Variants in ETNPPL observed in about 807,000 individuals in gnomAD.
ETNPPL encodes alanine--glyoxylate aminotransferase 2-like 1.
A neutral mutation model predicts 55.5 loss-of-function variants in ETNPPL; 30 were observed. The ratio of observed to expected loss-of-function variants is 0.54; its 90% confidence interval spans 0.40 to 0.73. ETNPPL has a LOEUF of 0.73. Ranked by LOEUF, ETNPPL falls within the 30% of genes least tolerant of loss-of-function variation. ETNPPL has a pLI of 0.00. For synonymous variants in ETNPPL, 202 were observed against 207.2 expected (o/e 0.98, Z 0.21); for missense variants, 528 against 607.9 (o/e 0.87, Z 1.38).
intron 6 of ETNPPL, among the ~76,000 whole-genome samples, chr4:108,751,685 TA>T (rs1278311699): frequency 2.0e-4 from 30 of 152,356 alleles, no homozygotes; most frequent in Admixed American, 3.9e-4. Context: ...TACCCCTTAG[TA>T]ATTGTATGAC....
At chr4:108,753,072 A>T (rs548097532) in intron 5 of ETNPPL, 61 bp from the exon 6 acceptor site, 21 of 865,456 alleles carry the variant, frequency 2.4e-5, no homozygotes, top group Middle Eastern at 2.2e-4. Context: ...CTTAAAAAAA[A>T]GGCATTTCCC....
At chr4:108,749,540 G>GAA in intron 7 of ETNPPL, 77 bp from the exon 8 acceptor site, 1 of 1,112,206 alleles carries the variant, frequency 9.0e-7, no homozygotes, top group Admixed American at 2.4e-5. Context: ...GCAAATTATT[G>GAA]AAGACAAAAA....
chr4:108,747,931 T>C, intron 9 of ETNPPL, 74 bp downstream of exon 9: 1 of 1,307,384 alleles, frequency 7.6e-7, no homozygotes, highest in Non-Finnish European at 1.1e-6. Flanking sequence ...GGTCTCACCA[T>C]GTTGCCCAGC....
intron 7 of ETNPPL, 131 bp from the exon 8 acceptor site, chr4:108,749,594 T>C (rs1416305499): frequency 1.6e-6 from 1 of 638,916 alleles, no homozygotes; most frequent in Non-Finnish European, 2.7e-6. Flanking sequence ...TTAAAAAACA[T>C]TTCAGTACTC....
At position 108,747,563 on chromosome 4, in the gene ETNPPL, G is replaced by C. The variant is rs1308121259; in HGVS notation, c.1082+442C>G. 3.3e-5 allele frequency among the ~76,000 whole-genome samples: 5 copies of C among 151,170 alleles called. No homozygotes were observed. The South Asian group carries it at 1.0e-3, about 32-fold the overall frequency. On this transcript the variant is annotated intron_variant, in intron 9 of 12. Coordinates refer to ENST00000296486, the MANE Select transcript of ETNPPL (RefSeq NM_031279.4). The stretch of plus-strand genomic sequence containing the variant: ...AATATTCCTGCCTCTGCCTCCCAAG[G>C]TGCTGGGATTACAGATGTGAACCAC...
rs763059724 is a variant in ETNPPL, at chr4:108,748,162, G to GT, written c.928-4dup. ...CAAGATACTGGATTTCCTCCATACT[G>GT]TAAAAAAAAAAAAGACAAATGAGAA... is the stretch of plus-strand genomic sequence containing the variant. On this transcript the variant is annotated splice_region_variant and splice_polypyrimidine_tract_variant and intron_variant, in intron 8 of 12. Transcript: ENST00000296486. The GT allele has an allele frequency of 1.3e-6, 2 of 1,513,236 alleles. No individual in the cohort carries two copies. Among genetic ancestry groups the GT allele is most frequent in the Admixed American group, 4.8e-5 (2 of 41,724 alleles). The allele number at this position is 1,513,236 out of a possible 1,614,324, so 93.7% of individuals were successfully genotyped here.
intron 10 of ETNPPL, 50 bp downstream of exon 10, chr4:108,746,712 A>G (rs1424116903): frequency 6.5e-7 from 1 of 1,548,716 alleles, no homozygotes; most frequent in Non-Finnish European, 8.9e-7. Context: ...TCAAGTGGGT[A>G]GGCATCCTGC....
Position 108,763,020 on chromosome 4 carries a change from T to C in ETNPPL, c.-122A>G. The C allele has an allele frequency of 2.3e-6, 2 of 882,076 alleles. No homozygotes were observed. Among genetic ancestry groups the C allele is most frequent in the East Asian group, 2.6e-5 (1 of 38,930 alleles). The allele number at this position is 882,076 out of a possible 1,614,324, so 54.6% of individuals were successfully genotyped here. On this transcript the variant is annotated 5_prime_UTR_variant, in exon 1 of 13. Coordinates refer to ENST00000296486, the MANE Select transcript of ETNPPL (RefSeq NM_031279.4). ...CCTCCCGTTATCCCTCCTGGCGTTC[T>C]CTTGCCCGGGGCGTCGGAGGTCACC...
In ETNPPL at chr4:108,749,221, T is replaced by TTCCTTCTTA. The variant is rs753363093; in HGVS notation, c.927+16_927+17insTAAGAAGGA. The TTCCTTCTTA allele has an allele frequency of 6.8e-4, 1,075 of 1,578,154 alleles. 6 individuals carry two copies. The African/African-American group carries it at 0.011, about 16-fold the overall frequency. ...TATTTTTCCTTCTTAGCATTAAAGT[T>TTCCTTCTTA]GGAGACCAAAATGTACCGTATTAAA... On this transcript the variant is annotated intron_variant, in intron 8 of 12. Transcript: ENST00000296486.
chr4:108,753,013 T>G lies in ETNPPL; in HGVS notation c.502-2A>C. Reference sequence around the variant, plus strand: ...TCTGTAAGTATCTGGAGTTGGTGCCTGAAAACATCAAATAATGCAGTTGCT... The same window carrying G: ...TCTGTAAGTATCTGGAGTTGGTGCCGGAAAACATCAAATAATGCAGTTGCT... On this transcript the variant is annotated splice_acceptor_variant, in intron 5 of 12. Coordinates refer to ENST00000296486, the MANE Select transcript of ETNPPL (RefSeq NM_031279.4). LOFTEE classifies it high-confidence loss of function. 6.5e-7 allele frequency: 1 copy of G among 1,548,508 alleles called. No homozygotes were observed. Among genetic ancestry groups the G allele is most frequent in the Non-Finnish European group, 8.9e-7 (1 of 1,128,196 alleles).
intron 11 of ETNPPL, among the ~76,000 whole-genome samples, chr4:108,746,093 T>C (rs78789065): frequency 0.092 from 13,982 of 152,258 alleles, 1,126 homozygotes; most frequent in East Asian, 0.48. Context: ...CATGGCACAA[T>C]GCAGACATGC....
chr4:108,753,806 A>AAGAAAG (rs1560656714), intron 5 of ETNPPL, among the ~76,000 whole-genome samples: 1 of 119,424 alleles, frequency 8.4e-6, no homozygotes, highest in Non-Finnish European at 1.8e-5. Flanking sequence ...GAAAGAAAGA[A>AAGAAAG]AAGAGAAGAA....
chr4:108,758,282 G>A (rs74285757), intron 3 of ETNPPL, among the ~76,000 whole-genome samples: 11,463 of 151,796 alleles, frequency 0.076, 933 homozygotes, highest in East Asian at 0.48. Flanking sequence ...GAGCCACCAC[G>A]CCGAACCATA....
chr4:108,759,620 T>C (rs1191602616), intron 3 of ETNPPL, 129 bp downstream of exon 3: 1 of 868,580 alleles, frequency 1.2e-6, no homozygotes, highest in African/African-American at 1.7e-5. Flanking sequence ...TGTGATCACT[T>C]AGTGAATGGC....
chr4:108,762,666 T>G, intron 1 of ETNPPL, 177 bp downstream of exon 1: 1 of 767,744 alleles, frequency 1.3e-6, no homozygotes, highest in Non-Finnish European at 2.3e-6. Context: ...CCAGGAGCGT[T>G]TCTGGGAGTC....
At chr4:108,750,815 T>C in intron 7 of ETNPPL, 121 bp downstream of exon 7, 9 of 733,036 alleles carry the variant, frequency 1.2e-5, no homozygotes, top group Non-Finnish European at 1.9e-5. Flanking sequence ...TGGCAGGCAC[T>C]CAGGTGTGGC....
At position 108,759,745 on chromosome 4, in the gene ETNPPL, A is replaced by C; in HGVS notation, c.335+4T>G. The C allele has an allele frequency of 1.2e-6, 2 of 1,613,980 alleles. No homozygotes were observed. The highest frequency in any genetic ancestry group is 1.7e-6 in the Non-Finnish European group (2 of 1,179,910). On this transcript the variant is annotated splice_donor_region_variant and intron_variant, in intron 3 of 12. Transcript: ENST00000296486. ...GGGGAGGGGTGGGAAACCATGAAGCATACCCTGAATTTGTAAAATAACAAA... is the reference window on the plus strand; with the variant it reads ...GGGGAGGGGTGGGAAACCATGAAGCCTACCCTGAATTTGTAAAATAACAAA...
At chr4:108,743,158 AAC>A (rs1728300977) in intron 12 of ETNPPL, among the ~76,000 whole-genome samples, 1 of 152,182 alleles carries the variant, frequency 6.6e-6, no homozygotes, top group Non-Finnish European at 1.5e-5. Flanking sequence ...TTATGCATCG[AAC>A]TCATAAACAA....
At chr4:108,745,335 G>T (rs113136986) in intron 11 of ETNPPL, among the ~76,000 whole-genome samples, 3 of 152,238 alleles carry the variant, frequency 2.0e-5, no homozygotes, top group African/African-American at 7.2e-5. Context: ...AGTGGCTCAT[G>T]CATGTAATCT....
Sources: gnomAD v4.1 joint callset for allele counts (sites outside exome capture counted in the v4.1 genomes callset) on GRCh38, gnomAD v4.1.1 for gene constraint, MANE v1.5 for transcripts, NCBI Gene and HGNC (gene_info 2026-07-23, HGNC 2026-07-21) for gene names.